Variants in IL13RA1 observed in about 807,000 individuals in gnomAD.
The protein encoded by IL13RA1 is interleukin 13 receptor subunit alpha 1.
In IL13RA1, 14 loss-of-function variants were observed where a neutral mutation model predicts 33.8. The observed-to-expected ratio is 0.41, with a 90% confidence interval of 0.27 to 0.65. The LOEUF (loss-of-function observed/expected upper bound fraction) is 0.65. Ranked by LOEUF, IL13RA1 falls within the 30% of genes least tolerant of loss-of-function variation. IL13RA1 has a pLI of 0.28. For synonymous variants in IL13RA1, 116 were observed against 115.7 expected, an observed-to-expected ratio of 1.00 and a Z score of -0.02; for missense variants, 313 against 327.0, an observed-to-expected ratio of 0.96 and a Z score of 0.33.
chrX:118,745,472 T>C (rs1603209381), intron 2 of IL13RA1, among the ~76,000 whole-genome samples: 1 of 111,984 alleles, frequency 8.9e-6, no homozygotes, highest in East Asian at 2.8e-4. Context: ...CTGTCTTGAC[T>C]GGACCTAAGA....
intron 4 of IL13RA1, among the ~76,000 whole-genome samples, chrX:118,752,472 A>G (rs1485084623): frequency 8.9e-6 from 1 of 112,033 alleles, no homozygotes; most frequent in Non-Finnish European, 1.9e-5. Context: ...ATTTGTCTTT[A>G]TCCTTATTTC....
In IL13RA1 at chrX:118,741,048, C is replaced by G. The variant is rs1222180745; in HGVS notation, c.120C>G (p.Val40=). 6 of 1,116,557 alleles carry G rather than the reference C, an allele frequency of 5.4e-6. No homozygotes were observed. Among genetic ancestry groups the G allele is most frequent in the Non-Finnish European group, 7.4e-6 (6 of 810,792 alleles). The allele number at this position is 1,116,557 out of a possible 1,213,427, so 92.0% of individuals were successfully genotyped here. ...AGCCACCTGTGACAAATTTGAGTGT[C>G]TCTGTTGAAAACCTCTGCACAGTAA... The part of the protein sequence containing the change: ...ETQPPVTNLS[V]SVENLCTVIW... Residue 40 remains valine, a synonymous_variant, in exon 2 of 11, where the codon GTC becomes GTG. Coordinates refer to ENST00000371666, the MANE Select transcript of IL13RA1 (RefSeq NM_001560.3).
rs1407360309 is a variant in IL13RA1 at position 118,794,052 on chromosome X, G to T, written c.*2198G>T. The T allele has an allele frequency of 1.8e-5, 2 of 112,236 alleles. No homozygotes were observed. The highest frequency in any genetic ancestry group is 6.5e-5 in the African/African-American group (2 of 30,857). 9.2% of individuals were successfully genotyped at this position (112,236 alleles called of 1,213,427 possible). A position where few individuals can be genotyped will look rare whatever the true frequency, so the allele number is the denominator to read the frequency against. ...GCCATTTTTACTGTTATCCTATTTA[G>T]ATGGCCATGAAGAGGATGCTGTGAA... On this transcript the variant is annotated 3_prime_UTR_variant, in exon 11 of 11. Transcript: ENST00000371666.
chrX:118,739,511 A>G (rs1410781269), intron 1 of IL13RA1, among the ~76,000 whole-genome samples: 2 of 112,394 alleles, frequency 1.8e-5, no homozygotes, highest in East Asian at 2.8e-4. Context: ...TAAGTAATTA[A>G]TAATGGTTCC....
chrX:118,739,491 C>G (rs2017319887), intron 1 of IL13RA1, among the ~76,000 whole-genome samples: 1 of 112,167 alleles, frequency 8.9e-6, no homozygotes, highest in African/African-American at 3.2e-5. Flanking sequence ...ATTACTATTA[C>G]TATAATCCTT....
At chrX:118,764,340 C>T (rs1032283769) in intron 6 of IL13RA1, among the ~76,000 whole-genome samples, 1 of 109,810 alleles carries the variant, frequency 9.1e-6, no homozygotes, top group African/African-American at 3.3e-5. Flanking sequence ...TTTGGAATTT[C>T]TATATATGGG....
chrX:118,784,800 G>C (rs2489878), intron 10 of IL13RA1, among the ~76,000 whole-genome samples: 32,419 of 110,811 alleles, frequency 0.29, 4,318 homozygotes, highest in African/African-American at 0.48. Context: ...TAGGTCCTGC[G>C]TTGCGTATCT....
intron 10 of IL13RA1, among the ~76,000 whole-genome samples, chrX:118,779,476 C>A (rs1262994506): frequency 2.7e-5 from 3 of 111,683 alleles, no homozygotes; most frequent in Non-Finnish European, 5.6e-5. Context: ...ATATTACAAT[C>A]ATAATTTTTA....
At chrX:118,767,612 C>T (rs1018251134) in intron 8 of IL13RA1, among the ~76,000 whole-genome samples, 1 of 111,282 alleles carries the variant, frequency 9.0e-6, no homozygotes, top group Non-Finnish European at 1.9e-5. Flanking sequence ...GTCCTACATG[C>T]TGGTTGGCAG....
At position 118,793,767 on chromosome X, in the gene IL13RA1, T is replaced by G. The variant is rs2018003295; in HGVS notation, c.*1913T>G. On this transcript the variant is annotated 3_prime_UTR_variant, in exon 11 of 11. Coordinates refer to ENST00000371666, the MANE Select transcript of IL13RA1 (RefSeq NM_001560.3). ...AAGAAACCCTCACTCTCTACAGGTT[T>G]GGGTACAAGTGGCAACCTGCTTCCA... is the stretch of plus-strand genomic sequence containing the variant. 1 of 111,787 alleles carries G rather than the reference T, an allele frequency of 8.9e-6. No homozygotes were observed. The highest frequency in any genetic ancestry group is 3.3e-5 in the African/African-American group (1 of 30,720). 9.2% of individuals were successfully genotyped at this position (111,787 alleles called of 1,213,427 possible).
the IL13RA1 span, among the ~76,000 whole-genome samples, chrX:118,804,080 T>C: frequency 9.4e-6 from 1 of 106,790 alleles, no homozygotes; most frequent in Middle Eastern, 4.7e-3. Context: ...CCTCAACCTC[T>C]CAAGTAGCTG....
chrX:118,727,874 C>T (rs908316087), intron 1 of IL13RA1, 148 bp downstream of exon 1: 9 of 242,717 alleles, frequency 3.7e-5, no homozygotes, highest in South Asian at 4.9e-4. Context: ...CCGCGCTCGG[C>T]GGCTGCGGCT....
rs2018002974 is a variant in IL13RA1 at position 118,793,744 on chromosome X, G to A, written c.*1890G>A. On this transcript the variant is annotated 3_prime_UTR_variant, in exon 11 of 11. Coordinates refer to ENST00000371666, the MANE Select transcript of IL13RA1 (RefSeq NM_001560.3). The stretch of plus-strand genomic sequence containing the variant: ...CCTGCTCCTAGGGGAGGGGAGATAA[G>A]AAACCCTCACTCTCTACAGGTTTGG... 8.9e-6 allele frequency: 1 copy of A among 111,822 alleles called. No individual in the cohort carries two copies. The highest frequency in any genetic ancestry group is 1.9e-5 in the Non-Finnish European group (1 of 53,150). 9.2% of individuals were successfully genotyped at this position (111,822 alleles called of 1,213,427 possible). A position where few individuals can be genotyped will look rare whatever the true frequency, so the allele number is the denominator to read the frequency against.
At chrX:118,762,576 C>T (rs768106125) in intron 6 of IL13RA1, among the ~76,000 whole-genome samples, 1 of 111,660 alleles carries the variant, frequency 9.0e-6, no homozygotes, top group Non-Finnish European at 1.9e-5. Flanking sequence ...AAGTCCACAG[C>T]AGAACAGAAC....
downstream of IL13RA1, among the ~76,000 whole-genome samples, chrX:118,798,351 A>G (rs574527860): frequency 1.8e-5 from 2 of 111,176 alleles, no homozygotes; most frequent in African/African-American, 6.6e-5. Flanking sequence ...TCATGAGTTC[A>G]ATCCCAAACT....
intron 4 of IL13RA1, among the ~76,000 whole-genome samples, chrX:118,757,172 C>T (rs1420369611): frequency 9.0e-6 from 1 of 111,438 alleles, no homozygotes; most frequent in Non-Finnish European, 1.9e-5. Flanking sequence ...AATGTCTTCT[C>T]TTATACAGAA....
intron 2 of IL13RA1, among the ~76,000 whole-genome samples, chrX:118,744,455 A>G (rs762917827): frequency 3.6e-5 from 4 of 111,440 alleles, no homozygotes; most frequent in Non-Finnish European, 7.5e-5. Context: ...GCTGGAGTGT[A>G]GTGGTACGAT....
At chrX:118,782,693 G>C (rs1196638103) in intron 10 of IL13RA1, among the ~76,000 whole-genome samples, 1 of 109,862 alleles carries the variant, frequency 9.1e-6, no homozygotes, top group Admixed American at 9.7e-5. Flanking sequence ...AACCTCCTGG[G>C]CTGAGGCAAT....
intron 8 of IL13RA1, among the ~76,000 whole-genome samples, chrX:118,768,628 A>G (rs1174833307): frequency 1.8e-5 from 2 of 112,278 alleles, no homozygotes; most frequent in Non-Finnish European, 1.9e-5. Flanking sequence ...GTCATGCTGG[A>G]TTAAAGTGGA....
Sources: allele counts gnomAD v4.1 joint callset (sites outside exome capture counted in the v4.1 genomes callset), GRCh38; gene constraint gnomAD v4.1.1; transcripts MANE v1.5; gene names NCBI Gene and HGNC (gene_info 2026-07-23, HGNC 2026-07-21).